The following PPP1R9A variants were observed in gnomAD, a reference collection of about 807,000 sequenced individuals.
The protein encoded by PPP1R9A is neurabin-1.
Under a neutral mutation model 141.9 loss-of-function variants are expected in PPP1R9A, and 59 were observed. The observed-to-expected ratio is 0.42, with a 90% CI of 0.34 to 0.52. PPP1R9A has a LOEUF of 0.52. Among genes scored for constraint, PPP1R9A ranks in the 20% least tolerant of loss-of-function variants. PPP1R9A has a pLI of 0.10. For missense variants in PPP1R9A, 1,444 were observed against 1,611.9 expected, an observed-to-expected ratio of 0.90 and a Z score of 1.78; for synonymous variants, 500 against 569.7, an observed-to-expected ratio of 0.88 and a Z score of 1.74.
intron 2 of PPP1R9A, among the ~76,000 whole-genome samples, chr7:94,969,315 G>A (rs2151204819): frequency 6.6e-6 from 1 of 152,112 alleles, no homozygotes; most frequent in East Asian, 1.9e-4. Flanking sequence ...GTTGACCTTT[G>A]GATGGGGTTT....
chr7:95,230,619 A>G (rs1413107266), intron 8 of PPP1R9A, among the ~76,000 whole-genome samples: 1 of 152,096 alleles, frequency 6.6e-6, no homozygotes. Context: ...AAAGAATTTT[A>G]AAAAATGAGT....
In PPP1R9A at chr7:94,979,246, T is replaced by C. The variant is rs550906014; in HGVS notation, c.1395+67738T>C. Among the ~76,000 whole-genome samples the C allele has an allele frequency of 3.3e-5, 5 of 152,238 alleles. No individual in the cohort carries two copies. In the South Asian group the frequency reaches 8.3e-4, roughly 25 times the overall value. On this transcript the variant is annotated intron_variant, in intron 2 of 19. Transcript: ENST00000433360. ...TTTATTTTGTTAATCAGATTTGTCA[T>C]ATATTTGTAGTGCCAGATTACATTT... is the stretch of plus-strand genomic sequence containing the variant.
At chr7:94,958,508 T>C (rs1381698999) in intron 2 of PPP1R9A, among the ~76,000 whole-genome samples, 2 of 152,076 alleles carry the variant, frequency 1.3e-5, no homozygotes, top group Non-Finnish European at 2.9e-5. Flanking sequence ...TTTCTTACTC[T>C]CACCTTCTTT....
chr7:95,042,182 G>A (rs549818363), intron 2 of PPP1R9A, among the ~76,000 whole-genome samples: 4 of 152,250 alleles, frequency 2.6e-5, no homozygotes, highest in East Asian at 1.9e-4. Flanking sequence ...AAGCATTTAA[G>A]ATGATACCAA....
intron 2 of PPP1R9A, among the ~76,000 whole-genome samples, chr7:95,022,585 T>G (rs1806146730): frequency 6.6e-6 from 1 of 152,234 alleles, no homozygotes. Flanking sequence ...TTCCAGTTTT[T>G]GCCCATTCAG....
intron 2 of PPP1R9A, among the ~76,000 whole-genome samples, chr7:94,941,042 C>CAGAA (rs1795284890): frequency 6.6e-6 from 1 of 151,928 alleles, no homozygotes; most frequent in Non-Finnish European, 1.5e-5. Flanking sequence ...CTTCATTTTG[C>CAGAA]AGAAAGAAAA....
intron 5 of PPP1R9A, among the ~76,000 whole-genome samples, chr7:95,171,155 A>G (rs1585062005): frequency 6.6e-6 from 1 of 151,578 alleles, no homozygotes; most frequent in Non-Finnish European, 1.5e-5. Context: ...TGCAAAAAAG[A>G]AAAAGAGCAC....
At chr7:95,272,693 T>A (rs975340882) in intron 14 of PPP1R9A, among the ~76,000 whole-genome samples, 19 of 152,230 alleles carry the variant, frequency 1.2e-4, no homozygotes, top group African/African-American at 4.3e-4. Flanking sequence ...ACTGTGTGTG[T>A]ACTTCATGTT....
chr7:94,934,939 G>T (rs576051707), intron 2 of PPP1R9A, among the ~76,000 whole-genome samples: 2 of 151,992 alleles, frequency 1.3e-5, no homozygotes, highest in Non-Finnish European at 2.9e-5. Flanking sequence ...ATTCACTGAA[G>T]CTTCAAACTC....
At chr7:95,033,544 C>T (rs1808008071) in intron 2 of PPP1R9A, among the ~76,000 whole-genome samples, 1 of 151,970 alleles carries the variant, frequency 6.6e-6, no homozygotes, top group African/African-American at 2.4e-5. Context: ...TCAGTTATTT[C>T]CTTGATGGTT....
intron 2 of PPP1R9A, among the ~76,000 whole-genome samples, chr7:95,045,732 G>A (rs1009741189): frequency 6.6e-6 from 1 of 151,934 alleles, no homozygotes; most frequent in Non-Finnish European, 1.5e-5. Context: ...CATTTCTAGT[G>A]GGCGAGGGGA....
intron 5 of PPP1R9A, among the ~76,000 whole-genome samples, chr7:95,193,734 A>G (rs959677352): frequency 2.6e-5 from 4 of 151,964 alleles, no homozygotes; most frequent in African/African-American, 7.2e-5. Flanking sequence ...CTGCTTTAAA[A>G]TCTCTCACAG....
chr7:94,955,654 A>G (rs1797003252), intron 2 of PPP1R9A, among the ~76,000 whole-genome samples: 1 of 152,118 alleles, frequency 6.6e-6, no homozygotes, highest in Non-Finnish European at 1.5e-5. Flanking sequence ...GTTATTTTGT[A>G]TGGTTTAGAA....
chr7:95,023,353 T>A (rs1453609323), intron 2 of PPP1R9A, among the ~76,000 whole-genome samples: 1 of 152,138 alleles, frequency 6.6e-6, no homozygotes, highest in Non-Finnish European at 1.5e-5. Context: ...ATTGCATCTA[T>A]TTGATTCTTC....
chr7:95,243,131 CTT>C (rs1401688468), intron 8 of PPP1R9A, among the ~76,000 whole-genome samples: 1 of 152,144 alleles, frequency 6.6e-6, no homozygotes, highest in Non-Finnish European at 1.5e-5. Flanking sequence ...TTGGGTCCAT[CTT>C]GCTCACTTTG....
At chr7:95,232,819 A>T (rs892356423) in intron 8 of PPP1R9A, among the ~76,000 whole-genome samples, 2 of 152,350 alleles carry the variant, frequency 1.3e-5, no homozygotes, top group East Asian at 1.9e-4. Flanking sequence ...CGACAATGAG[A>T]TACCATCTCA....
At chr7:95,261,111 T>C (rs1438566915) in intron 12 of PPP1R9A, among the ~76,000 whole-genome samples, 1 of 152,138 alleles carries the variant, frequency 6.6e-6, no homozygotes, top group Non-Finnish European at 1.5e-5. Context: ...CTACCCAGTG[T>C]GGTTTGTATA....
chr7:95,171,904 A>G (rs926734728), intron 5 of PPP1R9A, among the ~76,000 whole-genome samples: 1 of 151,694 alleles, frequency 6.6e-6, no homozygotes, highest in African/African-American at 2.4e-5. Context: ...ATGTAAATAC[A>G]GAAGTCCAAA....
Position 95,163,801 on chromosome 7 carries a change from G to T in PPP1R9A, c.1754+1830G>T, listed in dbSNP as rs564603306. Among the ~76,000 whole-genome samples, 329 of 152,112 alleles carry T rather than the reference G, an allele frequency of 2.2e-3. 2 individuals carry two copies. Among genetic ancestry groups the T allele is most frequent in the Non-Finnish European group, 2.8e-3 (187 of 67,980 alleles). ...GTCACCCAGGCTGGAGTGCAGTGGC[G>T]CAGTCTCAACTCATTGCAATCTCTG... On this transcript the variant is annotated intron_variant, in intron 5 of 19. Coordinates refer to ENST00000433360, the MANE Select transcript of PPP1R9A (RefSeq NM_001166160.2).
Sources: allele counts gnomAD v4.1 joint callset (sites outside exome capture counted in the v4.1 genomes callset), GRCh38; gene constraint gnomAD v4.1.1; transcripts MANE v1.5; gene names NCBI Gene and HGNC (gene_info 2026-07-23, HGNC 2026-07-21).